Variants in CA4 observed in about 807,000 individuals in gnomAD.
CA4 encodes the protein CA-IV.
In CA4, 24 loss-of-function variants were observed where a neutral mutation model predicts 34.5. That is an observed-to-expected ratio of 0.70 (90% CI 0.50 to 0.98). The LOEUF (loss-of-function observed/expected upper bound fraction) is 0.98, where lower values mean the gene tolerates loss of function less well. Ranked by LOEUF, CA4 falls within the 50% of genes least tolerant of loss-of-function variation. The pLI, the probability that CA4 is intolerant of heterozygous loss-of-function variation, is 0.00. For missense variants in CA4, 394 were observed against 396.7 expected (o/e 0.99, Z 0.06); for synonymous variants, 178 against 170.6 (o/e 1.04, Z -0.34).
intron 1 of CA4, 34 bp from the exon 2 acceptor site, chr17:60,155,280 C>T (rs1360200551): frequency 6.2e-7 from 1 of 1,602,314 alleles, no homozygotes; most frequent in Non-Finnish European, 8.5e-7. Flanking sequence ...AAGACACACG[C>T]ACGCACACTT....
At chr17:60,150,922 C>A (rs774985528) in intron 1 of CA4, among the ~76,000 whole-genome samples, 38 of 151,682 alleles carry the variant, frequency 2.5e-4, no homozygotes, top group Admixed American at 7.9e-4. Context: ...GAATTGGGAG[C>A]CTGGCGGGGG....
chr17:60,175,424 C>A (rs2145321861), downstream of CA4, among the ~76,000 whole-genome samples: 1 of 151,264 alleles, frequency 6.6e-6, no homozygotes, highest in East Asian at 2.0e-4. Context: ...CAAAAATTAG[C>A]TGGGTGTGGT....
At chr17:60,177,620 T>C in the CA4 span, among the ~76,000 whole-genome samples, 23 of 152,348 alleles carry the variant, frequency 1.5e-4, no homozygotes, top group East Asian at 4.2e-3. Flanking sequence ...TTTTATATAC[T>C]GAAAATCTTG....
chr17:60,168,975 G>A (rs368482103), intron 5 of CA4, among the ~76,000 whole-genome samples: 20 of 152,116 alleles, frequency 1.3e-4, no homozygotes, highest in African/African-American at 4.8e-4. Flanking sequence ...AACCAGGCAC[G>A]GTGACTCGCG....
At chr17:60,156,848 G>A in intron 3 of CA4, 133 bp downstream of exon 3, 1 of 824,146 alleles carries the variant, frequency 1.2e-6, no homozygotes, top group Non-Finnish European at 2.1e-6. Context: ...AATCCCATGG[G>A]GGAGGACAGC....
At position 60,154,724 on chromosome 17, in the gene CA4, C is replaced by T. The variant is rs377275969; in HGVS notation, c.59-590C>T. On this transcript the variant is annotated intron_variant, in intron 1 of 7. Coordinates refer to ENST00000300900, the MANE Select transcript of CA4 (RefSeq NM_000717.5). ...CCTGTCCCCAGAGATCAGGACTGTG[C>T]GGTTGAGGGGCAGGGGAGGAAGCCT... Among the ~76,000 whole-genome samples, 7 of 152,264 alleles carry T rather than the reference C, an allele frequency of 4.6e-5. No homozygotes were observed. In the East Asian group the frequency reaches 1.2e-3, roughly 25 times the overall value.
downstream of CA4, chr17:60,159,660 A>G (rs1350358701): frequency 3.3e-6 from 2 of 602,696 alleles, no homozygotes; most frequent in African/African-American, 3.7e-5. Flanking sequence ...ATTTCTCCCA[A>G]GCAGGTACCA....
chr17:60,159,395 G>A lies in CA4; in HGVS notation c.910G>A (p.Ala304Thr). Residue 304 changes from alanine (A) to threonine (T), a missense_variant, in exon 8 of 8, where the codon GCC becomes ACC. Coordinates refer to ENST00000300900, the MANE Select transcript of CA4 (RefSeq NM_000717.5). ...ALPALLGPMLACLLAGFLR is the reference protein window; with the variant it reads ...ALPALLGPMLTCLLAGFLR ...GCCTGCCCTGCTGGGCCCCATGCTG[G>A]CCTGCCTGCTGGCCGGCTTCCTGCG... 6.2e-7 allele frequency: 1 copy of A among 1,612,386 alleles called. No homozygotes were observed. Among genetic ancestry groups the A allele is most frequent in the Non-Finnish European group, 8.5e-7 (1 of 1,179,708 alleles).
At chr17:60,156,823 T>C in intron 3 of CA4, 108 bp downstream of exon 3, 1 of 1,032,254 alleles carries the variant, frequency 9.7e-7, no homozygotes, top group South Asian at 1.3e-5. Context: ...CCATCTGTGC[T>C]GTGAGGTGGC....
chr17:60,149,984 C>T lies in CA4; in HGVS notation c.-51C>T, dbSNP rs1038674754. ...GGCAGGATCGCTGCACCCGCGGCGGCCTCCTCGGTGCGCGACCCCCGGCTC... is the reference window on the plus strand; with the variant it reads ...GGCAGGATCGCTGCACCCGCGGCGGTCTCCTCGGTGCGCGACCCCCGGCTC... On this transcript the variant is annotated 5_prime_UTR_variant, in exon 1 of 8. Transcript: ENST00000300900. 2 of 1,487,060 alleles carry T rather than the reference C, an allele frequency of 1.3e-6. No individual in the cohort carries two copies. The highest frequency in any genetic ancestry group is 9.2e-7 in the Non-Finnish European group (1 of 1,081,438). 92.1% of individuals were successfully genotyped at this position (1,487,060 alleles called of 1,614,324 possible).
intron 1 of CA4, among the ~76,000 whole-genome samples, chr17:60,152,724 G>C (rs1189032531): frequency 6.6e-6 from 1 of 152,202 alleles, no homozygotes; most frequent in African/African-American, 2.4e-5. Flanking sequence ...TGCGGGTGGG[G>C]ACATGGGATG....
At chr17:60,152,898 A>G (rs1597986573) in intron 1 of CA4, among the ~76,000 whole-genome samples, 1 of 152,206 alleles carries the variant, frequency 6.6e-6, no homozygotes, top group Admixed American at 6.5e-5. Flanking sequence ...GCTGGGCTGC[A>G]TTATCAGAAA....
At chr17:60,150,654 T>TAAAAAAAAAA (rs66850461) in intron 1 of CA4, among the ~76,000 whole-genome samples, 1 of 33,864 alleles carries the variant, frequency 3.0e-5, no homozygotes, top group African/African-American at 8.0e-5. Flanking sequence ...GTGCTCCGTT[T>TAAAAAAAAAA]AAAAAAAAAA....
downstream of CA4, among the ~76,000 whole-genome samples, chr17:60,175,840 C>G (rs760068610): frequency 3.6e-5 from 5 of 137,524 alleles, no homozygotes; most frequent in African/African-American, 1.5e-4. Context: ...TTTTTTGAGA[C>G]GGAGTTTCGC....
downstream of CA4, among the ~76,000 whole-genome samples, chr17:60,171,727 C>T (rs1222278401): frequency 6.6e-6 from 1 of 152,202 alleles, no homozygotes; most frequent in African/African-American, 2.4e-5. Flanking sequence ...GGAGTAACTC[C>T]AACCTCATCT....
downstream of CA4, among the ~76,000 whole-genome samples, chr17:60,174,153 C>T (rs2083937069): frequency 6.6e-6 from 1 of 151,516 alleles, no homozygotes; most frequent in Non-Finnish European, 1.5e-5. Flanking sequence ...GGTATTTTCA[C>T]TGGGCGTTAG....
chr17:60,156,956 C>T, intron 3 of CA4: 1 of 592,268 alleles, frequency 1.7e-6, no homozygotes. Context: ...AGGACATGTG[C>T]AAAGGCGCGG....
At chr17:60,151,830 A>G (rs952575620) in intron 1 of CA4, among the ~76,000 whole-genome samples, 1 of 152,034 alleles carries the variant, frequency 6.6e-6, no homozygotes, top group Non-Finnish European at 1.5e-5. Flanking sequence ...CAGGTTGCAT[A>G]TGGCGACCCC....
At chr17:60,164,357 T>C (rs2083832997), downstream of CA4, among the ~76,000 whole-genome samples, 1 of 138,828 alleles carries the variant, frequency 7.2e-6, no homozygotes, top group African/African-American at 2.6e-5. Context: ...CCCTCCAGTC[T>C]GTCTGTCTGT....
Sources: gnomAD v4.1 joint callset for allele counts (sites outside exome capture counted in the v4.1 genomes callset) on GRCh38, gnomAD v4.1.1 for gene constraint, MANE v1.5 for transcripts, NCBI Gene and HGNC (gene_info 2026-07-23, HGNC 2026-07-21) for gene names.